AMER1: variants seen among roughly 807,000 people sequenced by gnomAD.
The protein encoded by AMER1 is RP11-403E24.2.
In AMER1, 16 loss-of-function variants were observed where a neutral mutation model predicts 53.0. That is an observed-to-expected ratio of 0.30 (90% CI 0.20 to 0.46). The LOEUF (loss-of-function observed/expected upper bound fraction) is 0.46, where lower values mean the gene tolerates loss of function less well. AMER1 is among the 20% of genes least tolerant of loss of function. The pLI is 1.00. For synonymous variants in AMER1, 354 were observed against 331.9 expected, an observed-to-expected ratio of 1.07 and a Z score of -0.73; for missense variants, 947 against 884.9, an observed-to-expected ratio of 1.07 and a Z score of -0.89.
intron 1 of AMER1, among the ~76,000 whole-genome samples, chrX:64,201,988 C>A (rs1930497052): frequency 8.9e-6 from 1 of 111,824 alleles, no homozygotes; most frequent in Admixed American, 9.4e-5. Flanking sequence ...AGGTGCAAAC[C>A]ACCACACCTG....
Position 64,189,749 on chromosome X carries a change from A to T in AMER1, c.*130T>A. ...AGTGGGAAAACCAAGGTGAAAACTCACAGGAGTTTTCCTTGGCCCAAAGGG... is the reference window on the plus strand; with the variant it reads ...AGTGGGAAAACCAAGGTGAAAACTCTCAGGAGTTTTCCTTGGCCCAAAGGG... On this transcript the variant is annotated 3_prime_UTR_variant, in exon 2 of 2. Transcript: ENST00000374869. The T allele has an allele frequency of 2.7e-6, 3 of 1,120,717 alleles. No individual in the cohort carries two copies. The highest frequency in any genetic ancestry group is 2.4e-6 in the Non-Finnish European group (2 of 850,099). 92.4% of individuals were successfully genotyped at this position (1,120,717 alleles called of 1,213,427 possible).
rs922597794 is a variant in AMER1 at position 64,186,520 on chromosome X, T to C, written c.*3359A>G. On this transcript the variant is annotated 3_prime_UTR_variant, in exon 2 of 2. Transcript: ENST00000374869. ...CCCTGCTAAACCCCATGCCTCCCTC[T>C]AGCAACTGGGCCTGGGGGCTGAGGG... 2.6e-6 allele frequency: 2 copies of C among 778,600 alleles called. No individual in the cohort carries two copies. The highest frequency in any genetic ancestry group is 1.4e-4 in the South Asian group (2 of 14,777). The allele number at this position is 778,600 out of a possible 1,213,427, so 64.2% of individuals were successfully genotyped here. A position where few individuals can be genotyped will look rare whatever the true frequency, so the allele number is the denominator to read the frequency against.
intron 1 of AMER1, among the ~76,000 whole-genome samples, chrX:64,202,425 C>A (rs1930507365): frequency 8.9e-6 from 1 of 111,770 alleles, no homozygotes. Flanking sequence ...GTGGAAAGAG[C>A]CACTGCACGG....
intron 1 of AMER1, among the ~76,000 whole-genome samples, chrX:64,201,531 G>T (rs1454488552): frequency 9.1e-6 from 1 of 110,080 alleles, no homozygotes; most frequent in Non-Finnish European, 1.9e-5. Context: ...TTATCCCTGA[G>T]AAAGAACTGG....
At chrX:64,193,977 A>G (rs1375832756) in intron 1 of AMER1, among the ~76,000 whole-genome samples, 1 of 112,184 alleles carries the variant, frequency 8.9e-6, no homozygotes, top group Non-Finnish European at 1.9e-5. Flanking sequence ...AACCATGCTC[A>G]GGCTTCAGAA....
At position 64,193,365 on chromosome X, in the gene AMER1, A is replaced by C; in HGVS notation, c.-79T>G. ...AGGCACTGTTATAACATTATCAGTCAGGAAGCATCACAGTGGGGTCTGGAG... is the reference window on the plus strand; with the variant it reads ...AGGCACTGTTATAACATTATCAGTCCGGAAGCATCACAGTGGGGTCTGGAG... On this transcript the variant is annotated 5_prime_UTR_variant, in exon 2 of 2. Coordinates refer to ENST00000374869, the MANE Select transcript of AMER1 (RefSeq NM_152424.4). 3 of 1,189,768 alleles carry C rather than the reference A, an allele frequency of 2.5e-6. No individual in the cohort carries two copies. Among genetic ancestry groups the C allele is most frequent in the Admixed American group, 4.4e-5 (2 of 45,704 alleles).
intron 1 of AMER1, among the ~76,000 whole-genome samples, chrX:64,200,353 T>C (rs1265158191): frequency 1.8e-5 from 2 of 111,946 alleles, no homozygotes; most frequent in Non-Finnish European, 3.8e-5. Flanking sequence ...GAACAATGGA[T>C]ACCTCTGACT....
chrX:64,187,813 T>C lies in AMER1; in HGVS notation c.*2066A>G. The C allele has an allele frequency of 1.3e-6, 1 of 777,031 alleles. No homozygotes were observed. Among genetic ancestry groups the C allele is most frequent in the Non-Finnish European group, 1.5e-6 (1 of 652,515 alleles). 64.0% of individuals were successfully genotyped at this position (777,031 alleles called of 1,213,427 possible). A position where few individuals can be genotyped will look rare whatever the true frequency, so the allele number is the denominator to read the frequency against. On this transcript the variant is annotated 3_prime_UTR_variant, in exon 2 of 2. Coordinates refer to ENST00000374869, the MANE Select transcript of AMER1 (RefSeq NM_152424.4). The stretch of plus-strand genomic sequence containing the variant: ...AGTTGGAATTTGGGCACTTCTCTCT[T>C]GGAATGCTGTGCTTGGGGTAAGGAG...
In AMER1 at chrX:64,203,670, A is replaced by G. The variant is rs1328036484; in HGVS notation, c.-99+1900T>C. On this transcript the variant is annotated intron_variant, in intron 1 of 1. Transcript: ENST00000374869. ...AGAGCCAGGCAGAAAGGCACCAAGGAAAAGGAAGGCCCAGAACTGAGGTTT... is the reference window on the plus strand; with the variant it reads ...AGAGCCAGGCAGAAAGGCACCAAGGGAAAGGAAGGCCCAGAACTGAGGTTT... Among the ~76,000 whole-genome samples, 4 of 111,679 alleles carry G rather than the reference A, an allele frequency of 3.6e-5. No homozygotes were observed. The Admixed American group carries it at 3.8e-4, about 11-fold the overall frequency.
intron 1 of AMER1, among the ~76,000 whole-genome samples, chrX:64,199,506 G>T (rs1321338937): frequency 1.8e-5 from 2 of 111,996 alleles, no homozygotes; most frequent in Non-Finnish European, 3.8e-5. Flanking sequence ...TACCATGCAG[G>T]ATTGTGGTAA....
At chrX:64,203,573 C>A (rs970079664) in intron 1 of AMER1, among the ~76,000 whole-genome samples, 1 of 111,295 alleles carries the variant, frequency 9.0e-6, no homozygotes, top group Non-Finnish European at 1.9e-5. Context: ...ATAATTTAAG[C>A]CTGAATATGC....
chrX:64,203,479 C>G (rs186978963), intron 1 of AMER1, among the ~76,000 whole-genome samples: 27 of 111,621 alleles, frequency 2.4e-4, no homozygotes, highest in Non-Finnish European at 2.3e-4. Context: ...ATTTACTCCT[C>G]CAAAGGGTTC....
At chrX:64,197,495 C>T (rs1930398043) in intron 1 of AMER1, among the ~76,000 whole-genome samples, 1 of 113,163 alleles carries the variant, frequency 8.8e-6, no homozygotes, top group Non-Finnish European at 1.9e-5. Flanking sequence ...GAGCCTTGCA[C>T]ATTCTGCTCC....
Position 64,190,038 on chromosome X carries a change from G to T in AMER1, c.3249C>A (p.Gly1083=). 1 of 1,206,116 alleles carries T rather than the reference G, an allele frequency of 8.3e-7. No homozygotes were observed. Among genetic ancestry groups the T allele is most frequent in the Non-Finnish European group, 1.1e-6 (1 of 892,387 alleles). Residue 1083 remains glycine, a synonymous_variant, in exon 2 of 2, where the codon GGC becomes GGA. Transcript: ENST00000374869. ...GCCGGACCCTGGGCAGCTGAGGAAT[G>T]CCATGGGTGATGCCCACAGGCTTGG... ...PQAKPVGITH[G]IPQLPRVRPE...
Position 64,186,835 on chromosome X carries a change from G to C in AMER1, c.*3044C>G, listed in dbSNP as rs1930121570. ...CCTGGCCCTGGGAGAGGCCTACTAG[G>C]TGGCCTTCTCTATCCACATTCACTG... On this transcript the variant is annotated 3_prime_UTR_variant, in exon 2 of 2. Coordinates refer to ENST00000374869, the MANE Select transcript of AMER1 (RefSeq NM_152424.4). 2.6e-6 allele frequency: 2 copies of C among 772,973 alleles called. No individual in the cohort carries two copies. Among genetic ancestry groups the C allele is most frequent in the Non-Finnish European group, 3.1e-6 (2 of 649,999 alleles). The allele number at this position is 772,973 out of a possible 1,213,427, so 63.7% of individuals were successfully genotyped here.
intron 1 of AMER1, 43 bp from the exon 2 acceptor site, chrX:64,193,427 G>T: frequency 1.1e-6 from 1 of 931,776 alleles, no homozygotes; most frequent in Non-Finnish European, 1.5e-6. Flanking sequence ...ACAGATACTA[G>T]TGAGCAAGCA....
In AMER1 at chrX:64,189,535, TA is replaced by T. The variant is rs1276750577; in HGVS notation, c.*343del. ...GTGTGTATATATATATATATATATA[TA>T]TATATATATATATATATATATAATC... On this transcript the variant is annotated 3_prime_UTR_variant, in exon 2 of 2. Transcript: ENST00000374869. 142 of 102,675 alleles carry T rather than the reference TA, an allele frequency of 1.4e-3. 2 individuals are homozygous for T. The highest frequency in any genetic ancestry group is 0.014 in the African/African-American group (133 of 9,827). 8.5% of individuals were successfully genotyped at this position (102,675 alleles called of 1,213,427 possible).
chrX:64,190,297 G>T lies in AMER1; in HGVS notation c.2990C>A (p.Pro997His), dbSNP rs771161982. Residue 997 changes from proline to histidine, a missense_variant, in exon 2 of 2, where the codon CCT (proline) becomes CAT (histidine). Physicochemically the swap from Pro to His is moderately conservative, Grantham distance 77. Transcript: ENST00000374869. ...TAGTGATATTGACATGGTCATAGGAGGTATGCAACAGGTTGCCTGCCTATA... is the reference window on the plus strand; with the variant it reads ...TAGTGATATTGACATGGTCATAGGATGTATGCAACAGGTTGCCTGCCTATA... The part of the protein sequence containing the change: ...SPYRQATCCI[P>H]PMTMSISLSV... The T allele has an allele frequency of 2.5e-6, 3 of 1,211,936 alleles. No individual in the cohort carries two copies. Among genetic ancestry groups the T allele is most frequent in the Non-Finnish European group, 1.1e-6 (1 of 895,575 alleles).
At position 64,188,913 on chromosome X, in the gene AMER1, A is replaced by G; in HGVS notation, c.*966T>C. The G allele has an allele frequency of 2.5e-6, 2 of 807,501 alleles. No homozygotes were observed. The highest frequency in any genetic ancestry group is 3.0e-6 in the Non-Finnish European group (2 of 672,045). 66.5% of individuals were successfully genotyped at this position (807,501 alleles called of 1,213,427 possible). ...GATTATGAAAATTTCCTTTAGAGGA[A>G]AAAAGAACAAAAATTCAAAAGCATC... is the stretch of plus-strand genomic sequence containing the variant. On this transcript the variant is annotated 3_prime_UTR_variant, in exon 2 of 2. Transcript: ENST00000374869.
Sources: allele counts gnomAD v4.1 joint callset (sites outside exome capture counted in the v4.1 genomes callset), GRCh38; gene constraint gnomAD v4.1.1; transcripts MANE v1.5; gene names NCBI Gene and HGNC (gene_info 2026-07-23, HGNC 2026-07-21).